The following AKIP1 variants were observed in gnomAD, a reference collection of about 807,000 sequenced individuals.
AKIP1 encodes A-kinase-interacting protein 1.
A neutral mutation model predicts 22.3 loss-of-function variants in AKIP1; 18 were observed. That is an observed-to-expected ratio of 0.81 (90% CI 0.56 to 1.19). AKIP1 has a LOEUF of 1.19. Ranked by LOEUF, AKIP1 falls within the 50% of genes most tolerant of loss-of-function variation. AKIP1 has a pLI of 0.00. For missense variants in AKIP1, 287 were observed against 264.6 expected, an observed-to-expected ratio of 1.08 and a Z score of -0.59; for synonymous variants, 120 against 102.7, an observed-to-expected ratio of 1.17 and a Z score of -1.02.
chr11:8,912,635 TG>T, intron 3 of AKIP1, 102 bp downstream of exon 3: 1 of 1,039,646 alleles, frequency 9.6e-7, no homozygotes, highest in African/African-American at 1.6e-5. Flanking sequence ...CTGTTTCTCC[TG>T]CCCAGCCTTC....
chr11:8,914,418 C>G (rs1354728706), intron 3 of AKIP1, among the ~76,000 whole-genome samples: 2 of 152,244 alleles, frequency 1.3e-5, no homozygotes, highest in African/African-American at 4.8e-5. Context: ...ATGTACCCCT[C>G]TCTTCCCGTG....
In AKIP1 at chr11:8,919,599, C is replaced by G; in HGVS notation, c.*119C>G. On this transcript the variant is annotated 3_prime_UTR_variant, in exon 6 of 6. Transcript: ENST00000309377. ...TTTAGTGCTGACTGGGTCAGCCTTCCGGGAACTGGAGTCTGTCTCTTTCAG... is the reference window on the plus strand; with the variant it reads ...TTTAGTGCTGACTGGGTCAGCCTTCGGGGAACTGGAGTCTGTCTCTTTCAG... 8 of 1,137,400 alleles carry G rather than the reference C, an allele frequency of 7.0e-6. No individual in the cohort carries two copies. Among genetic ancestry groups the G allele is most frequent in the South Asian group, 1.5e-5 (1 of 64,746 alleles). The allele number at this position is 1,137,400 out of a possible 1,614,324, so 70.5% of individuals were successfully genotyped here.
chr11:8,915,673 C>G (rs1040981602), intron 4 of AKIP1, among the ~76,000 whole-genome samples: 5 of 149,890 alleles, frequency 3.3e-5, no homozygotes, highest in Admixed American at 6.6e-5. Flanking sequence ...GAGTCTCACT[C>G]TGTCACCCAA....
At chr11:8,918,999 C>T (rs2064531004) in intron 5 of AKIP1, among the ~76,000 whole-genome samples, 1 of 152,200 alleles carries the variant, frequency 6.6e-6, no homozygotes, top group Admixed American at 6.5e-5. Flanking sequence ...ACTTCTGATC[C>T]CCAAAACAGT....
intron 1 of AKIP1, 33 bp from the exon 2 acceptor site, chr11:8,911,411 C>T: frequency 4.6e-6 from 7 of 1,528,428 alleles, no homozygotes; most frequent in Non-Finnish European, 6.2e-6. Context: ...CCCAGCTGAC[C>T]CGCCGGCGTT....
intron 4 of AKIP1, among the ~76,000 whole-genome samples, chr11:8,916,814 G>A (rs751297332): frequency 2.3e-4 from 35 of 152,112 alleles, no homozygotes; most frequent in Admixed American, 1.7e-3. Context: ...GGGAAGAGTC[G>A]TTCCCATCTC....
rs7108205 is a variant in AKIP1 at position 8,911,466 on chromosome 11, C to G, written c.17C>G (p.Ala6Gly). 2 of 1,598,502 alleles carry G rather than the reference C, an allele frequency of 1.3e-6. No homozygotes were observed. Among genetic ancestry groups the G allele is most frequent in the Non-Finnish European group, 1.7e-6 (2 of 1,172,874 alleles). MDNCLAAAALNGVDRR... is the reference protein window; with the variant it reads MDNCLGAAALNGVDRR... ...CAGGGAGCCATGGACAACTGTTTGG[C>G]GGCCGCAGCGCTGAATGGGGTGGAC... The change falls in exon 2 of 6, where the codon GCG becomes GGG. Residue 6 changes from alanine (A) to glycine (G), a missense_variant. Coordinates refer to ENST00000309377, the MANE Select transcript of AKIP1 (RefSeq NM_020642.4).
rs947526417 is a variant in AKIP1 at position 8,911,663 on chromosome 11, C to A, written c.214C>A (p.Pro72Thr). The A allele has an allele frequency of 1.9e-6, 3 of 1,554,254 alleles. No individual in the cohort carries two copies. The highest frequency in any genetic ancestry group is 2.6e-6 in the Non-Finnish European group (3 of 1,152,898). Residue 72 changes from proline to threonine, a missense_variant, in exon 2 of 6, where the codon CCG (proline) becomes ACG (threonine). Physicochemically the swap from Pro to Thr is conservative, Grantham distance 38. Coordinates refer to ENST00000309377, the MANE Select transcript of AKIP1 (RefSeq NM_020642.4). ...GGCAGCCGGCCCGCAGCGCGTTCTC[C>A]CGGGAGAGGTGAGGGTCGCTGTGCC... ...QPAAGPQRVL[P>T]GEREERPPTL... is the part of the protein sequence containing the mutation.
chr11:8,916,428 T>G (rs1589925334), intron 4 of AKIP1, among the ~76,000 whole-genome samples: 2 of 152,282 alleles, frequency 1.3e-5, no homozygotes, highest in South Asian at 2.1e-4. Flanking sequence ...TTGAACTGAT[T>G]CAAAGGAGGA....
intron 3 of AKIP1, 53 bp downstream of exon 3, chr11:8,912,586 T>C: frequency 6.7e-7 from 1 of 1,497,838 alleles, no homozygotes; most frequent in Non-Finnish European, 9.3e-7. Context: ...TGGACCACAT[T>C]TGGATCTTTC....
chr11:8,912,356 C>T lies in AKIP1; in HGVS notation c.223-97C>T, dbSNP rs185701149. 8.3e-5 allele frequency: 77 copies of T among 929,630 alleles called. No homozygotes were observed. The East Asian group carries it at 1.9e-3, about 22-fold the overall frequency. The allele number at this position is 929,630 out of a possible 1,614,324, so 57.6% of individuals were successfully genotyped here. A position where few individuals can be genotyped will look rare whatever the true frequency, so the allele number is the denominator to read the frequency against. On this transcript the variant is annotated intron_variant, in intron 2 of 5. Transcript: ENST00000309377. The stretch of plus-strand genomic sequence containing the variant: ...TTCTTTCTGACATAAACTTGCAGAG[C>T]CTTTCCAAAAGTAAAAAGGAGACTA...
chr11:8,917,195 T>G, intron 4 of AKIP1, 92 bp from the exon 5 acceptor site: 1 of 766,828 alleles, frequency 1.3e-6, no homozygotes, highest in South Asian at 2.8e-5. Context: ...GACAGAACAA[T>G]TACTAACTCC....
intron 5 of AKIP1, among the ~76,000 whole-genome samples, chr11:8,918,966 A>G (rs964087090): frequency 6.6e-6 from 1 of 152,230 alleles, no homozygotes; most frequent in East Asian, 1.9e-4. Flanking sequence ...ATTACTGCTC[A>G]TCTGTGCTAA....
At position 8,912,514 on chromosome 11, in the gene AKIP1, A is replaced by G. The variant is rs1291537512; in HGVS notation, c.284A>G (p.Tyr95Cys). The change falls in exon 3 of 6, where the codon TAT (tyrosine) becomes TGT (cysteine). Residue 95 changes from tyrosine to cysteine, a missense_variant. Transcript: ENST00000309377. ...SFRTMAEFMD[Y>C]TSSQCGKYYS... ...AGAACAATGGCTGAATTCATGGACT[A>G]TACTTCAAGTCAGTGTGGGGTAAGT... 1.9e-6 allele frequency: 3 copies of G among 1,613,980 alleles called. No individual in the cohort carries two copies. Among genetic ancestry groups the G allele is most frequent in the Non-Finnish European group, 2.5e-6 (3 of 1,179,960 alleles).
At chr11:8,916,817 C>T (rs1446067303) in intron 4 of AKIP1, among the ~76,000 whole-genome samples, 2 of 152,146 alleles carry the variant, frequency 1.3e-5, no homozygotes, top group Non-Finnish European at 2.9e-5. Flanking sequence ...AAGAGTCGTT[C>T]CCATCTCTCC....
At position 8,917,728 on chromosome 11, in the gene AKIP1, T is replaced by C. The variant is rs552688273; in HGVS notation, c.489+361T>C. 112 of 389,432 alleles carry C rather than the reference T, an allele frequency of 2.9e-4. 3 individuals carry two copies. In the South Asian group the frequency reaches 6.3e-3, roughly 22 times the overall value. The allele number at this position is 389,432 out of a possible 1,614,324, so 24.1% of individuals were successfully genotyped here. On this transcript the variant is annotated intron_variant, in intron 5 of 5. Coordinates refer to ENST00000309377, the MANE Select transcript of AKIP1 (RefSeq NM_020642.4). ...GGGCACGATCCTCCTGCTAACAAAG[T>C]GAAAACCATTGCTGAAATTCCGAAA...
intron 4 of AKIP1, among the ~76,000 whole-genome samples, chr11:8,915,363 T>C (rs1342711603): frequency 1.5e-5 from 2 of 133,274 alleles, no homozygotes; most frequent in South Asian, 2.6e-4. Context: ...TTTTTCTTTT[T>C]TTTTTTTTTT....
At position 8,915,819 on chromosome 11, in the gene AKIP1, C is replaced by CTT. The variant is rs1258666817; in HGVS notation, c.408+907_408+908dup. Among the ~76,000 whole-genome samples, 450 of 123,974 alleles carry CTT rather than the reference C, an allele frequency of 3.6e-3. 8 individuals carry two copies. Among genetic ancestry groups the CTT allele is most frequent in the South Asian group, 9.9e-3 (35 of 3,544 alleles). 81.3% of individuals were successfully genotyped at this position (123,974 alleles called of 152,430 possible). ...CCAGCTAATTTTTGTATTTTTCTTT[C>CTT]TTTTTTTTTTTTTTTTTTTGTGGAG... On this transcript the variant is annotated intron_variant, in intron 4 of 5. Transcript: ENST00000309377.
rs1251475316 is a variant in AKIP1 at position 8,911,430 on chromosome 11, G to A, written c.-6-14G>A. 6.4e-7 allele frequency: 1 copy of A among 1,567,170 alleles called. No individual in the cohort carries two copies. Among genetic ancestry groups the A allele is most frequent in the Non-Finnish European group, 8.7e-7 (1 of 1,156,028 alleles). Reference sequence around the variant, plus strand: ...GCTGACCCGCCGGCGTTTGTACGTTGTGTGCCCACTCAGGGAGCCATGGAC... The same window carrying A: ...GCTGACCCGCCGGCGTTTGTACGTTATGTGCCCACTCAGGGAGCCATGGAC... On this transcript the variant is annotated splice_polypyrimidine_tract_variant and intron_variant, in intron 1 of 5. Coordinates refer to ENST00000309377, the MANE Select transcript of AKIP1 (RefSeq NM_020642.4).
Sources: allele counts gnomAD v4.1 joint callset (sites outside exome capture counted in the v4.1 genomes callset), GRCh38; gene constraint gnomAD v4.1.1; transcripts MANE v1.5; gene names NCBI Gene and HGNC (gene_info 2026-07-23, HGNC 2026-07-21).